CIMIP2C: variants seen among roughly 807,000 people sequenced by gnomAD.
CIMIP2C encodes ciliary microtubule inner protein 2C.
At chr2:26,563,462 C>G in the CIMIP2C span, among the ~76,000 whole-genome samples, 97 of 152,200 alleles carry the variant, frequency 6.4e-4, no homozygotes, top group South Asian at 2.3e-3. Flanking sequence ...TACTCTGGAC[C>G]GCCTCTCCCA....
At chr2:26,577,598 A>C in the CIMIP2C span, 1 of 1,613,828 alleles carries the variant, frequency 6.2e-7, no homozygotes, top group African/African-American at 1.3e-5. Context: ...CCCGTGAGGG[A>C]GCCGGAACGG....
chr2:26,576,383 C>T, the CIMIP2C span, among the ~76,000 whole-genome samples: 2 of 152,170 alleles, frequency 1.3e-5, no homozygotes, highest in Non-Finnish European at 2.9e-5. Context: ...TCTGATCTCT[C>T]CCCACCTCCC....
the CIMIP2C span, chr2:26,572,008 T>C: frequency 8.8e-7 from 1 of 1,132,962 alleles, no homozygotes; most frequent in Non-Finnish European, 1.2e-6. Flanking sequence ...TCACAAGAGA[T>C]ATTAGTACAA....
At chr2:26,566,522 TC>T in the CIMIP2C span, among the ~76,000 whole-genome samples, 1 of 152,228 alleles carries the variant, frequency 6.6e-6, no homozygotes, top group Non-Finnish European at 1.5e-5. Context: ...ATAAATACTC[TC>T]ACCAAAGCTG....
the CIMIP2C span, chr2:26,576,314 C>A: frequency 9.2e-7 from 1 of 1,091,890 alleles, no homozygotes; most frequent in Non-Finnish European, 1.3e-6. Flanking sequence ...AGCCCCTGAG[C>A]CAGCAGAGAG....
chr2:26,579,385 G>A, the CIMIP2C span: 2 of 1,614,062 alleles, frequency 1.2e-6, no homozygotes, highest in Non-Finnish European at 1.7e-6. Flanking sequence ...AGGGAAGAGG[G>A]TCTCTCCACA....
the CIMIP2C span, among the ~76,000 whole-genome samples, chr2:26,568,885 G>A: frequency 5.9e-5 from 9 of 152,076 alleles, no homozygotes; most frequent in African/African-American, 2.2e-4. Context: ...GCTGGGCATA[G>A]TGGCGGGCAC....
At chr2:26,577,811 G>T in the CIMIP2C span, 1 of 543,804 alleles carries the variant, frequency 1.8e-6, no homozygotes, top group Non-Finnish European at 3.2e-6. Context: ...CCTCAGGGGG[G>T]ATGGTGGTAG....
the CIMIP2C span, chr2:26,578,950 G>C: frequency 6.2e-6 from 3 of 485,410 alleles, no homozygotes; most frequent in African/African-American, 2.0e-5. Context: ...TTTACTCCTT[G>C]TCCAGAGCTT....
the CIMIP2C span, among the ~76,000 whole-genome samples, chr2:26,572,536 A>T: frequency 1.3e-5 from 2 of 152,120 alleles, no homozygotes; most frequent in African/African-American, 4.8e-5. Context: ...TCCCTGCGGA[A>T]TGCTGTGGGT....
chr2:26,565,578 A>G, the CIMIP2C span, among the ~76,000 whole-genome samples: 3 of 152,178 alleles, frequency 2.0e-5, no homozygotes, highest in Admixed American at 6.5e-5. Flanking sequence ...TGGGGTCGAC[A>G]GTAAGAGATG....
chr2:26,562,594 C>G, the CIMIP2C span: 1 of 1,563,614 alleles, frequency 6.4e-7, no homozygotes, highest in Non-Finnish European at 8.7e-7. Context: ...GCCAGGCTCG[C>G]TGTACTCGCG....
chr2:26,563,599 C>A, the CIMIP2C span, among the ~76,000 whole-genome samples: 1 of 152,090 alleles, frequency 6.6e-6, no homozygotes, highest in Admixed American at 6.5e-5. Context: ...TCCTAAGAAC[C>A]CTTGTCTGAA....
chr2:26,579,166 G>A, the CIMIP2C span: 24 of 1,034,768 alleles, frequency 2.3e-5, no homozygotes, highest in South Asian at 2.6e-4. Flanking sequence ...GACTTATCAG[G>A]TGTTAAACTG....
chr2:26,578,752 C>T, the CIMIP2C span: 3 of 471,176 alleles, frequency 6.4e-6, no homozygotes, highest in South Asian at 4.6e-5. Flanking sequence ...GAGAGCGGGA[C>T]ATCTCAACTC....
the CIMIP2C span, among the ~76,000 whole-genome samples, chr2:26,577,265 T>C: frequency 1.3e-5 from 2 of 152,292 alleles, no homozygotes; most frequent in East Asian, 3.9e-4. Context: ...CTTGTCTTGT[T>C]TACTCTCCAT....
At chr2:26,571,001 G>A in the CIMIP2C span, among the ~76,000 whole-genome samples, 3 of 152,170 alleles carry the variant, frequency 2.0e-5, no homozygotes, top group Non-Finnish European at 4.4e-5. Flanking sequence ...TTAGGTGGAG[G>A]TTGGAGGGGG....
At chr2:26,575,510 G>A in the CIMIP2C span, among the ~76,000 whole-genome samples, 1 of 152,172 alleles carries the variant, frequency 6.6e-6, no homozygotes, top group Non-Finnish European at 1.5e-5. Flanking sequence ...TAAGCCCCTG[G>A]TCTGGAGAGA....
the CIMIP2C span, among the ~76,000 whole-genome samples, chr2:26,571,438 C>T: frequency 6.6e-6 from 1 of 152,168 alleles, no homozygotes; most frequent in Non-Finnish European, 1.5e-5. Flanking sequence ...TGTACCCAGG[C>T]CAGCTCAGCA....
Sources: gnomAD v4.1 joint callset for allele counts (sites outside exome capture counted in the v4.1 genomes callset) on GRCh38, gnomAD v4.1.1 for gene constraint, MANE v1.5 for transcripts, NCBI Gene and HGNC (gene_info 2026-07-23, HGNC 2026-07-21) for gene names.